Variants in COP1 observed in about 807,000 individuals in gnomAD.
COP1 encodes COP1 E3 ubiquitin ligase.
A neutral mutation model predicts 101.3 loss-of-function variants in COP1; 24 were observed. The ratio of observed to expected loss-of-function variants is 0.24; its 90% CI spans 0.17 to 0.33. The LOEUF (loss-of-function observed/expected upper bound fraction) is 0.33. COP1 is among the 10% of genes least tolerant of loss of function. The pLI, the probability that COP1 is intolerant of heterozygous loss-of-function variation, is 1.00. For missense variants in COP1, 663 were observed against 906.2 expected (o/e 0.73, Z 3.45); for synonymous variants, 347 against 341.9 (o/e 1.01, Z -0.17).
At chr1:175,970,848 GAA>G (rs1341351172) in intron 18 of COP1, among the ~76,000 whole-genome samples, 1 of 152,036 alleles carries the variant, frequency 6.6e-6, no homozygotes, top group Non-Finnish European at 1.5e-5. Flanking sequence ...TGCTGAATTT[GAA>G]AAAAACTTTT....
chr1:175,982,082 A>T (rs889091687), intron 18 of COP1, among the ~76,000 whole-genome samples: 15 of 152,206 alleles, frequency 9.9e-5, no homozygotes, highest in African/African-American at 3.4e-4. Flanking sequence ...TGGGAATGTA[A>T]ATCAGTACAG....
rs146202059 is a variant in COP1, at chr1:175,978,639, G to T, written c.2133+8304C>A. Reference sequence around the variant, plus strand: ...AAGTCAGGGTCCATGCTCAGAATCTGCTTTCATTCTACTCCCAAGACAGAC... The same window carrying T: ...AAGTCAGGGTCCATGCTCAGAATCTTCTTTCATTCTACTCCCAAGACAGAC... On this transcript the variant is annotated intron_variant, in intron 18 of 19. Transcript: ENST00000367669. 2.6e-3 allele frequency among the ~76,000 whole-genome samples: 398 copies of T among 152,204 alleles called. 3 individuals are homozygous for T. Among genetic ancestry groups the T allele is most frequent in the African/African-American group, 9.1e-3 (380 of 41,538 alleles).
chr1:175,955,986 G>A (rs1050829808), intron 18 of COP1, among the ~76,000 whole-genome samples: 9 of 151,702 alleles, frequency 5.9e-5, no homozygotes, highest in Admixed American at 5.9e-4. Context: ...AGTAGAAACT[G>A]GCAAAGTGAT....
chr1:176,113,271 T>A lies in COP1; in HGVS notation c.1026+3353A>T, dbSNP rs139088499. ...ATGGTGAGATGATATCTCATTGTGG[T>A]TTTGACTTCCACTTCCCTGATGGTT... On this transcript the variant is annotated intron_variant, in intron 9 of 19. Coordinates refer to ENST00000367669, the MANE Select transcript of COP1 (RefSeq NM_022457.7). Among the ~76,000 whole-genome samples, 400 of 152,338 alleles carry A rather than the reference T, an allele frequency of 2.6e-3. 3 individuals carry two copies. The highest frequency in any genetic ancestry group is 9.2e-3 in the African/African-American group (382 of 41,584).
chr1:176,013,281 G>T (rs1190709150), intron 15 of COP1, among the ~76,000 whole-genome samples: 1 of 152,066 alleles, frequency 6.6e-6, no homozygotes, highest in African/African-American at 2.4e-5. Context: ...AAAAATATAT[G>T]ATTATAGTAA....
At chr1:175,983,531 A>C (rs1167840228) in intron 18 of COP1, among the ~76,000 whole-genome samples, 1 of 152,184 alleles carries the variant, frequency 6.6e-6, no homozygotes. Context: ...CTTTATCAGC[A>C]GTGTGAAAAT....
At chr1:175,965,330 GAT>G (rs1651871084) in intron 18 of COP1, among the ~76,000 whole-genome samples, 1 of 152,122 alleles carries the variant, frequency 6.6e-6, no homozygotes, top group Non-Finnish European at 1.5e-5. Context: ...AAGAAATACA[GAT>G]ATAAGATATA....
intron 2 of COP1, among the ~76,000 whole-genome samples, chr1:176,176,677 G>T (rs1018283918): frequency 2.6e-5 from 4 of 152,102 alleles, no homozygotes; most frequent in African/African-American, 7.2e-5. Context: ...AAATTAGCCA[G>T]GCATGATAGC....
intron 1 of COP1, among the ~76,000 whole-genome samples, chr1:176,203,130 G>A (rs1700451584): frequency 6.6e-6 from 1 of 151,788 alleles, no homozygotes; most frequent in Non-Finnish European, 1.5e-5. Context: ...GAGGTCAGGA[G>A]ATCGAGACCA....
At chr1:176,097,456 T>C (rs1682601428) in intron 9 of COP1, among the ~76,000 whole-genome samples, 1 of 152,196 alleles carries the variant, frequency 6.6e-6, no homozygotes, top group Non-Finnish European at 1.5e-5. Flanking sequence ...ATTAATTCAA[T>C]TAGGAGACTG....
At chr1:176,021,921 A>G (rs949253632) in intron 15 of COP1, among the ~76,000 whole-genome samples, 1 of 152,242 alleles carries the variant, frequency 6.6e-6, no homozygotes, top group African/African-American at 2.4e-5. Flanking sequence ...TCCATCTTCT[A>G]TATACATACT....
At chr1:176,071,842 CTTG>C (rs1215101231) in intron 11 of COP1, among the ~76,000 whole-genome samples, 13 of 152,142 alleles carry the variant, frequency 8.5e-5, no homozygotes, top group Non-Finnish European at 1.5e-5. Flanking sequence ...CTAATTAATG[CTTG>C]TTTTGTGGAT....
chr1:176,119,280 A>G (rs1686710427), intron 8 of COP1, among the ~76,000 whole-genome samples: 1 of 152,220 alleles, frequency 6.6e-6, no homozygotes, highest in African/African-American at 2.4e-5. Flanking sequence ...AACACTAATA[A>G]AATTGTGTAG....
Position 176,149,067 on chromosome 1 carries a change from T to A in COP1, c.770A>T (p.His257Leu). Residue 257 changes from histidine (H) to leucine (L), a missense_variant, in exon 6 of 20, where the codon CAT becomes CTT. His to Leu is a moderately conservative substitution (Grantham distance 99). Transcript: ENST00000367669. ...CATAAGAATCTGTAGTTGGGCTGCA[T>A]GTGATTCCTACAATAGAAAATTATA... ...QKKKQLEAES[H>L]AAQLQILMEF... The A allele has an allele frequency of 6.3e-7, 1 of 1,576,626 alleles. No individual in the cohort carries two copies. The highest frequency in any genetic ancestry group is 8.6e-7 in the Non-Finnish European group (1 of 1,156,444).
At chr1:176,182,718 T>C (rs570814062) in intron 2 of COP1, among the ~76,000 whole-genome samples, 17 of 152,318 alleles carry the variant, frequency 1.1e-4, no homozygotes, top group Admixed American at 7.8e-4. Context: ...AGAACACTAC[T>C]GCCGAACAAT....
chr1:176,104,720 C>T (rs1229878778), intron 9 of COP1, among the ~76,000 whole-genome samples: 1 of 152,142 alleles, frequency 6.6e-6, no homozygotes, highest in Admixed American at 6.6e-5. Flanking sequence ...AAGACACAAA[C>T]TGCTTTTGGA....
chr1:176,196,298 A>G (rs1003052454), intron 1 of COP1, among the ~76,000 whole-genome samples: 2 of 152,300 alleles, frequency 1.3e-5, no homozygotes, highest in Non-Finnish European at 2.9e-5. Flanking sequence ...AACTATATAG[A>G]AAATCAATAA....
intron 1 of COP1, among the ~76,000 whole-genome samples, chr1:176,185,605 T>C (rs114613655): frequency 7.2e-5 from 11 of 152,340 alleles, no homozygotes; most frequent in Non-Finnish European, 1.5e-4. Context: ...ACATTTCCTT[T>C]TATCCTTCCC....
intron 18 of COP1, among the ~76,000 whole-genome samples, chr1:175,963,869 C>A (rs1019382530): frequency 1.3e-5 from 2 of 152,200 alleles, no homozygotes; most frequent in East Asian, 3.9e-4. Flanking sequence ...ATGAATATTT[C>A]TATTTACTAG....
Sources: gnomAD v4.1 joint callset for allele counts (sites outside exome capture counted in the v4.1 genomes callset) on GRCh38, gnomAD v4.1.1 for gene constraint, MANE v1.5 for transcripts, NCBI Gene and HGNC (gene_info 2026-07-23, HGNC 2026-07-21) for gene names.